The following EPAS1 variants were observed in gnomAD, a reference collection of about 807,000 sequenced individuals.
EPAS1 encodes endothelial PAS domain-containing protein 1.
Under a neutral mutation model 87.9 loss-of-function variants are expected in EPAS1, and 23 were observed. That is an observed-to-expected ratio of 0.26 (90% CI 0.19 to 0.37). EPAS1 has a LOEUF of 0.37. Ranked by LOEUF, EPAS1 falls within the 10% of genes least tolerant of loss-of-function variation. The pLI is 1.00. For synonymous variants in EPAS1, 508 were observed against 444.3 expected (o/e 1.14, Z -1.80); for missense variants, 1,138 against 1,120.7 (o/e 1.02, Z -0.22).
intron 4 of EPAS1, 57 bp downstream of exon 4, chr2:46,356,865 C>G: frequency 1.6e-6 from 2 of 1,263,454 alleles, no homozygotes; most frequent in Non-Finnish European, 2.3e-6. Context: ...ATCTGCCTCC[C>G]CTTTGTCTAC....
At chr2:46,374,472 G>A (rs578168831) in intron 7 of EPAS1, among the ~76,000 whole-genome samples, 4 of 152,302 alleles carry the variant, frequency 2.6e-5, no homozygotes, top group African/African-American at 4.8e-5. Flanking sequence ...GGGTACAGTC[G>A]ATCCTCAGTA....
chr2:46,370,640 A>G (rs370152908), intron 7 of EPAS1, among the ~76,000 whole-genome samples: 4 of 152,258 alleles, frequency 2.6e-5, no homozygotes, highest in African/African-American at 9.6e-5. Flanking sequence ...TGCAGTGGAA[A>G]TGTTCTTGAA....
intron 9 of EPAS1, among the ~76,000 whole-genome samples, chr2:46,377,004 C>G (rs1211807352): frequency 1.3e-5 from 2 of 152,146 alleles, no homozygotes; most frequent in African/African-American, 4.8e-5. Flanking sequence ...AGAGAGGACA[C>G]CCCCCTGAGG....
chr2:46,377,008 C>A (rs570667860), intron 9 of EPAS1, among the ~76,000 whole-genome samples: 2 of 152,172 alleles, frequency 1.3e-5, no homozygotes, highest in South Asian at 4.1e-4. Context: ...AGGACACCCC[C>A]CTGAGGGTCG....
chr2:46,381,251 G>T, intron 12 of EPAS1: 1 of 383,276 alleles, frequency 2.6e-6, no homozygotes, highest in Non-Finnish European at 5.0e-6. Context: ...CCCAGGGGCC[G>T]CTGGTACTTG....
In EPAS1 at chr2:46,347,881, A is replaced by G. The variant is rs937539023; in HGVS notation, c.217+818A>G. Among the ~76,000 whole-genome samples, 5 of 152,174 alleles carry G rather than the reference A, an allele frequency of 3.3e-5. 1 individual carries two copies. The highest frequency in any genetic ancestry group is 2.6e-4 in the Admixed American group (4 of 15,274). Reference sequence around the variant, plus strand: ...GTCAGTTCTGTAAGGACGCTGGGCAACGAGTTGTGCTCCTCCCCACCTGGT... The same window carrying G: ...GTCAGTTCTGTAAGGACGCTGGGCAGCGAGTTGTGCTCCTCCCCACCTGGT... On this transcript the variant is annotated intron_variant, in intron 2 of 15. Coordinates refer to ENST00000263734, the MANE Select transcript of EPAS1 (RefSeq NM_001430.5). The surrounding 1 kb of genome is among the most constrained non-coding windows in gnomAD (Gnocchi z 4.2).
At chr2:46,339,715 G>A (rs1683869937) in intron 1 of EPAS1, among the ~76,000 whole-genome samples, 2 of 152,240 alleles carry the variant, frequency 1.3e-5, no homozygotes, top group South Asian at 2.1e-4. Context: ...CGTAAACTGA[G>A]TGGCTTATAA....
chr2:46,383,738 A>C (rs1684952606), intron 15 of EPAS1, among the ~76,000 whole-genome samples: 1 of 152,220 alleles, frequency 6.6e-6, no homozygotes, highest in Non-Finnish European at 1.5e-5. Context: ...TCTGACCATG[A>C]ATAAGAGAAG....
intron 2 of EPAS1, among the ~76,000 whole-genome samples, chr2:46,348,245 G>T (rs560317464): frequency 2.6e-5 from 4 of 152,170 alleles, no homozygotes; most frequent in African/African-American, 9.7e-5. Flanking sequence ...GAGAGCCAAG[G>T]GGGAAGATAT....
At chr2:46,335,055 T>C (rs1683760898) in intron 1 of EPAS1, among the ~76,000 whole-genome samples, 1 of 152,176 alleles carries the variant, frequency 6.6e-6, no homozygotes. Context: ...TTTTCCTCTT[T>C]CTTTGCTTTC....
Position 46,300,729 on chromosome 2 carries a change from A to T in EPAS1, c.26+2792A>T, listed in dbSNP as rs1022336138. On this transcript the variant is annotated intron_variant, in intron 1 of 15. Transcript: ENST00000263734. The surrounding 1 kb of genome is among the most constrained non-coding windows in gnomAD (Gnocchi z 4.1). ...GCAAATGTAAATGAGATCCTTGGAT[A>T]ATCAGGGATCAAAGTCCAGTCCCAA... Among the ~76,000 whole-genome samples the T allele has an allele frequency of 5.3e-5, 8 of 152,228 alleles. No individual in the cohort carries two copies. Among genetic ancestry groups the T allele is most frequent in the Non-Finnish European group, 8.8e-5 (6 of 68,044 alleles).
rs550463814 is a variant in EPAS1 at position 46,303,519 on chromosome 2, C to A, written c.26+5582C>A. 6.6e-5 allele frequency among the ~76,000 whole-genome samples: 10 copies of A among 152,304 alleles called. No individual in the cohort carries two copies. In the South Asian group the frequency reaches 2.1e-3, roughly 32 times the overall value. ...TGGAAAGGGAGCTGGTGGGGCTCCA[C>A]AGACAACAGGGGTAGTAATTTCTGT... On this transcript the variant is annotated intron_variant, in intron 1 of 15. Transcript: ENST00000263734.
chr2:46,325,214 T>C (rs774179864), intron 1 of EPAS1, among the ~76,000 whole-genome samples: 4 of 152,230 alleles, frequency 2.6e-5, no homozygotes, highest in Admixed American at 6.5e-5. Context: ...GTTAGAGTCT[T>C]AGATAATATG....
At chr2:46,306,746 T>C (rs1683114342) in intron 1 of EPAS1, among the ~76,000 whole-genome samples, 1 of 152,250 alleles carries the variant, frequency 6.6e-6, no homozygotes, top group African/African-American at 2.4e-5. Context: ...GAGGAACTGC[T>C]TGAGAATCCT....
Position 46,382,511 on chromosome 2 carries a change from G to A in EPAS1, c.2374G>A (p.Gly792Arg), listed in dbSNP as rs761084491. Residue 792 changes from glycine (G) to arginine (R), a missense_variant, in exon 15 of 16, where the codon GGG becomes AGG. Gly to Arg is a moderately radical substitution (Grantham distance 125). This residue lies in a region of EPAS1 where 502 missense variants were observed against 427.1 expected (regional missense o/e 1.18). Transcript: ENST00000263734. ...LPQPPSAISP[G>R]ENSKSRFPPQ... ...ACAGCCTCCATCTGCCATCAGTCCC[G>A]GGGAGAACAGCAAGAGCAGGTTCCC... 64 of 1,613,998 alleles carry A rather than the reference G, an allele frequency of 4.0e-5. 2 individuals are homozygous for A. The highest frequency in any genetic ancestry group is 2.1e-4 in the South Asian group (19 of 91,086).
intron 1 of EPAS1, 84 bp downstream of exon 1, chr2:46,298,021 G>A (rs777468189): frequency 3.9e-6 from 6 of 1,534,906 alleles, no homozygotes; most frequent in Non-Finnish European, 5.3e-6. Flanking sequence ...AGAGTGGTTG[G>A]GAGAAGAGTG....
chr2:46,382,036 G>A lies in EPAS1; in HGVS notation c.2234G>A (p.Gly745Asp), dbSNP rs1684908238. ...TGGAAACGGATGAAGAACCTCAGGGGTGGGAGCTGCCCTTTGATGCCGGAC... is the reference window on the plus strand; with the variant it reads ...TGGAAACGGATGAAGAACCTCAGGGATGGGAGCTGCCCTTTGATGCCGGAC... ...LMWKRMKNLRGGSCPLMPDKP... is the reference protein window; with the variant it reads ...LMWKRMKNLRDGSCPLMPDKP... The change falls in exon 14 of 16, where the codon GGT (glycine) becomes GAT (aspartate). Residue 745 changes from glycine (G) to aspartate (D), a missense_variant. This residue lies in a region of EPAS1 where 502 missense variants were observed against 427.1 expected (regional missense o/e 1.18). Transcript: ENST00000263734. 3 of 1,614,058 alleles carry A rather than the reference G, an allele frequency of 1.9e-6. No homozygotes were observed. Among genetic ancestry groups the A allele is most frequent in the Admixed American group, 1.7e-5 (1 of 60,028 alleles).
intron 6 of EPAS1, among the ~76,000 whole-genome samples, chr2:46,365,106 C>A (rs533518951): frequency 1.3e-5 from 2 of 152,178 alleles, no homozygotes; most frequent in Admixed American, 6.5e-5. Flanking sequence ...GGAAGCCAAG[C>A]CGTCAGGGAG....
Position 46,316,465 on chromosome 2 carries a change from T to G in EPAS1, c.26+18528T>G, listed in dbSNP as rs950383048. Among the ~76,000 whole-genome samples, 11 of 152,366 alleles carry G rather than the reference T, an allele frequency of 7.2e-5. No individual in the cohort carries two copies. In the East Asian group the frequency reaches 2.1e-3, roughly 29 times the overall value. On this transcript the variant is annotated intron_variant, in intron 1 of 15. Transcript: ENST00000263734. ...TAGTAGAGATGGGGTTTTGCCATGT[T>G]GGCCAGGCTGGTCTCGAACTACTGG...
Sources: allele counts gnomAD v4.1 joint callset (sites outside exome capture counted in the v4.1 genomes callset), GRCh38; gene constraint gnomAD v4.1.1; regional missense constraint gnomAD v4.1.1; non-coding constraint Gnocchi (gnomAD v3.1); transcripts MANE v1.5; gene names NCBI Gene and HGNC (gene_info 2026-07-23, HGNC 2026-07-21).